CDH4: variants seen among roughly 807,000 people sequenced by gnomAD.
CDH4 encodes cadherin 4, also known as cadherin-4.
CDH4 carries 33 observed loss-of-function variants against 86.0 expected under a neutral mutation model. The ratio of observed to expected loss-of-function variants is 0.38; its 90% confidence interval spans 0.29 to 0.51. The LOEUF (loss-of-function observed/expected upper bound fraction) is 0.51, where lower values mean the gene tolerates loss of function less well. CDH4 is among the 20% of genes least tolerant of loss of function. The pLI, the probability that CDH4 is intolerant of heterozygous loss-of-function variation, is 0.86. For synonymous variants in CDH4, 555 were observed against 549.4 expected, an observed-to-expected ratio of 1.01 and a Z score of -0.14; for missense variants, 1,114 against 1,307.4, an observed-to-expected ratio of 0.85 and a Z score of 2.28.
chr20:61,460,528 A>T (rs1015193189), intron 2 of CDH4, among the ~76,000 whole-genome samples: 2 of 152,144 alleles, frequency 1.3e-5, no homozygotes, highest in Admixed American at 1.3e-4. Flanking sequence ...GCCTCATTTT[A>T]CAAGGGTCCA....
intron 2 of CDH4, among the ~76,000 whole-genome samples, chr20:61,616,927 G>C (rs2086729711): frequency 6.6e-6 from 1 of 152,038 alleles, no homozygotes; most frequent in Non-Finnish European, 1.5e-5. Context: ...TCCATGGGGG[G>C]CTGCTGGGTG....
At chr20:61,387,472 A>G (rs1429052127) in intron 2 of CDH4, among the ~76,000 whole-genome samples, 3 of 152,156 alleles carry the variant, frequency 2.0e-5, no homozygotes, top group Non-Finnish European at 2.9e-5. Context: ...ATATATACAT[A>G]CATATACACA....
chr20:61,547,252 T>G (rs1019450301), intron 2 of CDH4, among the ~76,000 whole-genome samples: 20 of 126,608 alleles, frequency 1.6e-4, no homozygotes, highest in South Asian at 5.7e-4. Context: ...TCACTCTGTC[T>G]CCCAGGCTGG....
At chr20:61,685,993 T>C (rs2087569378) in intron 2 of CDH4, among the ~76,000 whole-genome samples, 1 of 152,260 alleles carries the variant, frequency 6.6e-6, no homozygotes, top group South Asian at 2.1e-4. Context: ...ATTGTGCAGT[T>C]CTTGAAGATC....
At chr20:61,871,467 A>G (rs1464375494) in intron 6 of CDH4, among the ~76,000 whole-genome samples, 1 of 152,252 alleles carries the variant, frequency 6.6e-6, no homozygotes, top group Non-Finnish European at 1.5e-5. Context: ...GACGCTAACA[A>G]TCACAGAGAA....
intron 2 of CDH4, among the ~76,000 whole-genome samples, chr20:61,404,925 C>T (rs1389483496): frequency 6.6e-6 from 1 of 152,150 alleles, no homozygotes; most frequent in African/African-American, 2.4e-5. Context: ...TGGCACGTGC[C>T]TGTAGTCCCA....
chr20:61,281,155 T>C (rs1186710276), intron 2 of CDH4, among the ~76,000 whole-genome samples: 3 of 152,192 alleles, frequency 2.0e-5, no homozygotes, highest in Non-Finnish European at 4.4e-5. Flanking sequence ...GGCTCTGTCA[T>C]GGGCTTATGG....
intron 2 of CDH4, among the ~76,000 whole-genome samples, chr20:61,578,685 TGCTGTGCATG>T (rs751469613): frequency 6.6e-6 from 1 of 152,172 alleles, no homozygotes; most frequent in Non-Finnish European, 1.5e-5. Context: ...GCCTTGCACT[TGCTGTGCATG>T]GAAAGTCTGG....
At chr20:61,540,883 A>G (rs2086034601) in intron 2 of CDH4, among the ~76,000 whole-genome samples, 1 of 152,000 alleles carries the variant, frequency 6.6e-6, no homozygotes, top group African/African-American at 2.4e-5. Flanking sequence ...CCAATAAGGC[A>G]GGAAGCAAAC....
Position 61,254,869 on chromosome 20 carries a change from G to C in CDH4, c.101G>C (p.Gly34Ala). The change falls in exon 2 of 16, where the codon GGG (glycine) becomes GCG (alanine). Residue 34 changes from glycine to alanine, a missense_variant. By Grantham distance (60) the Gly-to-Ala change is moderately conservative. Coordinates refer to ENST00000614565, the MANE Select transcript of CDH4 (RefSeq NM_001794.5). The part of the protein sequence containing the change: ...DLTTRETCKA[G>A]FSEDDYTALI... The stretch of plus-strand genomic sequence containing the variant: ...ACAACTAGAGAGACCTGCAAGGCTG[G>C]GTTCTCTGAAGATGATTACACGGCA... 5.0e-6 allele frequency: 8 copies of C among 1,613,276 alleles called. No homozygotes were observed. The highest frequency in any genetic ancestry group is 6.8e-6 in the Non-Finnish European group (8 of 1,179,232).
intron 2 of CDH4, among the ~76,000 whole-genome samples, chr20:61,692,165 G>A (rs1044856075): frequency 6.8e-6 from 1 of 147,398 alleles, no homozygotes; most frequent in Non-Finnish European, 1.5e-5. Flanking sequence ...ATGTGTGTCT[G>A]CATGTATGTG....
intron 2 of CDH4, among the ~76,000 whole-genome samples, chr20:61,385,043 G>A (rs775809614): frequency 3.3e-5 from 5 of 152,278 alleles, no homozygotes; most frequent in East Asian, 1.9e-4. Flanking sequence ...TTGCATTAGC[G>A]ATTGCCAAGC....
chr20:61,718,633 A>C (rs2087992583), intron 2 of CDH4: 1 of 377,366 alleles, frequency 2.6e-6, no homozygotes, highest in Non-Finnish European at 5.4e-6. Flanking sequence ...CCTAAGGTGA[A>C]CAGAAGCCTT....
In CDH4 at chr20:61,269,674, C is replaced by A. The variant is rs186332194; in HGVS notation, c.169+14737C>A. On this transcript the variant is annotated intron_variant, in intron 2 of 15. Transcript: ENST00000614565. This position sits in a 1 kb window ranked among gnomAD's most constrained non-coding sequence, Gnocchi z 5.3. ...ATCAGGCCCTGCTCCGCCAAGCAGA[C>A]CCCAGTCCTGCCAGAGCTGCCCTCC... Among the ~76,000 whole-genome samples the A allele has an allele frequency of 6.6e-6, 1 of 152,116 alleles. No homozygotes were observed. Among genetic ancestry groups the A allele is most frequent in the Non-Finnish European group, 1.5e-5 (1 of 68,008 alleles).
At chr20:61,431,978 T>C (rs2085249769) in intron 2 of CDH4, among the ~76,000 whole-genome samples, 1 of 152,222 alleles carries the variant, frequency 6.6e-6, no homozygotes. Context: ...ATTGTGCGTG[T>C]GTGCCCCTTC....
intron 2 of CDH4, among the ~76,000 whole-genome samples, chr20:61,280,802 T>TG (rs2084254569): frequency 6.6e-6 from 1 of 152,116 alleles, no homozygotes; most frequent in Non-Finnish European, 1.5e-5. Flanking sequence ...GCCTCCCTGG[T>TG]GGGGGGTTTC....
chr20:61,579,665 G>C (rs1409700368), intron 2 of CDH4, among the ~76,000 whole-genome samples: 1 of 152,006 alleles, frequency 6.6e-6, no homozygotes, highest in Non-Finnish European at 1.5e-5. Flanking sequence ...GCCACATCTG[G>C]CTTATCTCCC....
chr20:61,690,769 A>T (rs2087644469), intron 2 of CDH4, among the ~76,000 whole-genome samples: 1 of 152,070 alleles, frequency 6.6e-6, no homozygotes, highest in African/African-American at 2.4e-5. Flanking sequence ...GCGAGTCCTC[A>T]TTGGGGAGTT....
chr20:61,719,119 C>T (rs2088001277), intron 2 of CDH4: 2 of 470,988 alleles, frequency 4.2e-6, no homozygotes, highest in South Asian at 1.6e-5. Flanking sequence ...CTCTTCATGT[C>T]ACCTGCAGCC....
Sources: allele counts gnomAD v4.1 joint callset (sites outside exome capture counted in the v4.1 genomes callset), GRCh38; gene constraint gnomAD v4.1.1; non-coding constraint Gnocchi (gnomAD v3.1); transcripts MANE v1.5; gene names NCBI Gene and HGNC (gene_info 2026-07-23, HGNC 2026-07-21).